The following TLCD4 variants were observed in gnomAD, a reference collection of about 807,000 sequenced individuals.
TLCD4 encodes the protein TLC domain-containing protein 4.
A neutral mutation model predicts 24.2 loss-of-function variants in TLCD4; 7 were observed. That is an observed-to-expected ratio of 0.29 (90% CI 0.16 to 0.54). The LOEUF is 0.54. Ranked by LOEUF, TLCD4 falls within the 20% of genes least tolerant of loss-of-function variation. The pLI, the probability that TLCD4 is intolerant of heterozygous loss-of-function variation, is 0.95. For synonymous variants in TLCD4, 103 were observed against 106.4 expected, an observed-to-expected ratio of 0.97 and a Z score of 0.20; for missense variants, 259 against 313.9, an observed-to-expected ratio of 0.82 and a Z score of 1.32.
Position 95,132,777 on chromosome 1 carries a change from G to C in TLCD4, c.-11-11114G>C, listed in dbSNP as rs1299829052. On this transcript the variant is annotated intron_variant, in intron 1 of 6. Transcript: ENST00000370203. ...AAACAAGTAGATAGAAGATGGTCTG[G>C]AGTCTTAAAGAACTCTGTTATTTAG... 3.3e-5 allele frequency among the ~76,000 whole-genome samples: 5 copies of C among 152,184 alleles called. 1 individual carries two copies. The highest frequency in any genetic ancestry group is 1.2e-4 in the African/African-American group (5 of 41,446).
chr1:95,171,857 C>T (rs899773185), intron 5 of TLCD4, among the ~76,000 whole-genome samples: 1 of 152,142 alleles, frequency 6.6e-6, no homozygotes, highest in Non-Finnish European at 1.5e-5. Flanking sequence ...AATGTAACCT[C>T]AGTTGGAAAT....
At chr1:95,169,633 TG>T (rs571667600) in intron 5 of TLCD4, among the ~76,000 whole-genome samples, 305 of 5,898 alleles carry the variant, frequency 0.052, no homozygotes, top group South Asian at 0.4. Flanking sequence ...GTATACTTCA[TG>T]ATTTTTTTTT....
chr1:95,163,551 G>T (rs1161828354), intron 5 of TLCD4: 2 of 152,222 alleles, frequency 1.3e-5, no homozygotes, highest in Non-Finnish European at 2.9e-5. Flanking sequence ...TGCTGGCGAG[G>T]AGCTGCGTTA....
At chr1:95,141,053 G>A (rs1677185121) in intron 1 of TLCD4, among the ~76,000 whole-genome samples, 1 of 152,142 alleles carries the variant, frequency 6.6e-6, no homozygotes, top group African/African-American at 2.4e-5. Flanking sequence ...TATCTGTTGA[G>A]CTTTTAATGG....
the TLCD4 span, among the ~76,000 whole-genome samples, chr1:95,094,588 T>A: frequency 6.6e-6 from 1 of 152,194 alleles, no homozygotes. Context: ...TGTATGCCAC[T>A]GCACAGGTTA....
At chr1:95,167,821 G>A (rs902783980) in intron 5 of TLCD4, among the ~76,000 whole-genome samples, 5 of 152,008 alleles carry the variant, frequency 3.3e-5, no homozygotes, top group Admixed American at 2.0e-4. Context: ...GCTCCCTTTC[G>A]ACCCCCACAT....
chr1:95,187,359 A>G (rs1343790275), intron 6 of TLCD4, among the ~76,000 whole-genome samples: 1 of 152,114 alleles, frequency 6.6e-6, no homozygotes, highest in East Asian at 1.9e-4. Flanking sequence ...AGAATGCCAC[A>G]CTACATTTAG....
chr1:95,170,863 T>C (rs768214184), intron 5 of TLCD4, among the ~76,000 whole-genome samples: 24 of 152,282 alleles, frequency 1.6e-4, no homozygotes, highest in Middle Eastern at 3.4e-3. Context: ...TCTTCTTAAA[T>C]ATTCCAAGCA....
At chr1:95,191,428 G>A (rs534393614) in intron 6 of TLCD4, 122 bp from the exon 7 acceptor site, 19 of 1,231,856 alleles carry the variant, frequency 1.5e-5, no homozygotes, top group African/African-American at 4.6e-5. Context: ...TCAGCATTGC[G>A]TATGCTATTC....
At chr1:95,117,334 C>T (rs1676450260), upstream of TLCD4, 1 of 152,232 alleles carries the variant, frequency 6.6e-6, no homozygotes, top group Non-Finnish European at 1.5e-5. Flanking sequence ...GAGCCGGAGC[C>T]CGAGCGGCCG....
intron 1 of TLCD4, among the ~76,000 whole-genome samples, chr1:95,138,854 TA>T (rs1677118096): frequency 6.6e-6 from 1 of 152,012 alleles, no homozygotes; most frequent in Non-Finnish European, 1.5e-5. Flanking sequence ...TTTGTGTATC[TA>T]AACATAGAAA....
At chr1:95,168,554 CTTTTTTTT>C (rs34574043) in intron 5 of TLCD4, among the ~76,000 whole-genome samples, 10 of 51,154 alleles carry the variant, frequency 2.0e-4, no homozygotes, top group African/African-American at 7.1e-4. Flanking sequence ...TGTGAGTGAG[CTTTTTTTT>C]TTTTTTTTTT....
chr1:95,121,772 A>T (rs1676578732), intron 1 of TLCD4, among the ~76,000 whole-genome samples: 1 of 152,224 alleles, frequency 6.6e-6, no homozygotes, highest in Non-Finnish European at 1.5e-5. Flanking sequence ...GCTCAGCCTG[A>T]AAAGTATTCT....
intron 1 of TLCD4, among the ~76,000 whole-genome samples, chr1:95,138,069 A>G (rs1677097275): frequency 6.6e-6 from 1 of 152,074 alleles, no homozygotes; most frequent in Non-Finnish European, 1.5e-5. Flanking sequence ...AAAGCATCTT[A>G]TTGGGATTTT....
rs151036647 is a variant in TLCD4 at position 95,188,109 on chromosome 1, C to T, written c.474-3441C>T. The stretch of plus-strand genomic sequence containing the variant: ...TAGGGCTTCAACATAAGAATTTAGC[C>T]GGGCGCGGTAGCTCACGCCTGTAAT... On this transcript the variant is annotated intron_variant, in intron 6 of 6. Transcript: ENST00000370203. Among the ~76,000 whole-genome samples the T allele has an allele frequency of 1.6e-3, 237 of 152,212 alleles. 1 individual carries two copies. Among genetic ancestry groups the T allele is most frequent in the South Asian group, 2.7e-3 (13 of 4,820 alleles).
chr1:95,191,553 G>T lies in TLCD4; in HGVS notation c.477G>T (p.Trp159Cys). ...ELSSPFVNQR[W>C]FFEALKYPKF... ...GTTTCTTTAATTCATTTTTCAGGTG[G>T]TTCTTTGAAGCTCTGAAGTATCCCA... The change falls in exon 7 of 7, where the codon TGG (tryptophan) becomes TGT (cysteine). Residue 159 changes from tryptophan (W) to cysteine (C), a missense_variant. By Grantham distance (215) the Trp-to-Cys change is radical. Coordinates refer to ENST00000370203, the MANE Select transcript of TLCD4 (RefSeq NM_152487.3). 1 of 1,600,772 alleles carries T rather than the reference G, an allele frequency of 6.2e-7. No individual in the cohort carries two copies. Among genetic ancestry groups the T allele is most frequent in the Non-Finnish European group, 8.5e-7 (1 of 1,173,702 alleles).
At chr1:95,096,719 T>A in the TLCD4 span, among the ~76,000 whole-genome samples, 3 of 152,208 alleles carry the variant, frequency 2.0e-5, no homozygotes, top group Admixed American at 2.0e-4. Flanking sequence ...GTTCAGTTTA[T>A]GGACTATTTC....
At position 95,194,297 on chromosome 1, in the gene TLCD4, C is replaced by G. The variant is rs984100001; in HGVS notation, c.*2429C>G. 1 of 152,090 alleles carries G rather than the reference C, an allele frequency of 6.6e-6. No individual in the cohort carries two copies. Among genetic ancestry groups the G allele is most frequent in the East Asian group, 1.9e-4 (1 of 5,198 alleles). 9.4% of individuals were successfully genotyped at this position (152,090 alleles called of 1,614,324 possible). ...AGTAGGTTCTATATATTTCCTCATA[C>G]AACAGACATGGAATGGAAATGCCAC... is the stretch of plus-strand genomic sequence containing the variant. On this transcript the variant is annotated 3_prime_UTR_variant, in exon 7 of 7. Coordinates refer to ENST00000370203, the MANE Select transcript of TLCD4 (RefSeq NM_152487.3).
At chr1:95,131,562 C>T (rs187586641) in intron 1 of TLCD4, among the ~76,000 whole-genome samples, 142 of 152,290 alleles carry the variant, frequency 9.3e-4, no homozygotes, top group Admixed American at 1.4e-3. Flanking sequence ...CTCCTGGAGC[C>T]CTCCAATTTG....
Sources: gnomAD v4.1 joint callset for allele counts (sites outside exome capture counted in the v4.1 genomes callset) on GRCh38, gnomAD v4.1.1 for gene constraint, MANE v1.5 for transcripts, NCBI Gene and HGNC (gene_info 2026-07-23, HGNC 2026-07-21) for gene names.